GRIP1: variants seen among roughly 807,000 people sequenced by gnomAD.
GRIP1 encodes the protein glutamate receptor interacting protein 1.
GRIP1 carries 45 observed loss-of-function variants against 129.9 expected under a neutral mutation model. The ratio of observed to expected loss-of-function variants is 0.35; its 90% confidence interval spans 0.27 to 0.44. The LOEUF (loss-of-function observed/expected upper bound fraction) is 0.44. Ranked by LOEUF, GRIP1 falls within the 20% of genes least tolerant of loss-of-function variation. The pLI is 1.00. For missense variants in GRIP1, 1,196 were observed against 1,396.8 expected (o/e 0.86, Z 2.29); for synonymous variants, 530 against 520.8 (o/e 1.02, Z -0.24).
chr12:66,393,614 C>T (rs770444752), intron 17 of GRIP1, among the ~76,000 whole-genome samples: 4 of 152,076 alleles, frequency 2.6e-5, no homozygotes, highest in Non-Finnish European at 5.9e-5. Context: ...GGCAGATTTG[C>T]TTATAGGGTT....
intron 1 of GRIP1, among the ~76,000 whole-genome samples, chr12:66,833,908 G>A (rs762081112): frequency 8.5e-5 from 13 of 152,054 alleles, no homozygotes; most frequent in Non-Finnish European, 1.3e-4. Context: ...TGTGGCTCAC[G>A]CCTGTAATCC....
At chr12:66,368,232 A>C (rs143637436) in intron 23 of GRIP1, among the ~76,000 whole-genome samples, 1 of 152,138 alleles carries the variant, frequency 6.6e-6, no homozygotes, top group African/African-American at 2.4e-5. Context: ...CACCTGCAGG[A>C]GCTGGAGTGT....
chr12:66,669,707 A>G (rs974770831), intron 1 of GRIP1, among the ~76,000 whole-genome samples: 2 of 152,166 alleles, frequency 1.3e-5, no homozygotes, highest in African/African-American at 4.8e-5. Flanking sequence ...AGCATCCATC[A>G]ATGTCTCTGG....
Position 66,674,034 on chromosome 12 carries a change from T to G in GRIP1, c.55+4816A>C, listed in dbSNP as rs115835196. 5.8e-3 allele frequency among the ~76,000 whole-genome samples: 885 copies of G among 151,906 alleles called. 9 individuals are homozygous for G. Among genetic ancestry groups the G allele is most frequent in the African/African-American group, 0.021 (857 of 41,440 alleles). On this transcript the variant is annotated intron_variant, in intron 1 of 24. Coordinates refer to ENST00000359742, the MANE Select transcript of GRIP1 (RefSeq NM_001366722.1). ...GTTGCAGGTGAGATTTGGAAAGGGG[T>G]GGAAAGTTAACGAGGTGGAGGATAC... is the stretch of plus-strand genomic sequence containing the variant.
intron 1 of GRIP1, among the ~76,000 whole-genome samples, chr12:66,744,170 T>C (rs961727680): frequency 6.6e-6 from 1 of 152,118 alleles, no homozygotes; most frequent in African/African-American, 2.4e-5. Flanking sequence ...AGTACATACA[T>C]AAATACATGA....
chr12:66,858,077 G>GT (rs35147536), intron 1 of GRIP1, among the ~76,000 whole-genome samples: 55,832 of 151,530 alleles, frequency 0.37, 10,367 homozygotes, highest in East Asian at 0.41. Context: ...TATTCACCAT[G>GT]TTTTTTTGTT....
chr12:66,590,829 G>C (rs2063825175), intron 2 of GRIP1, among the ~76,000 whole-genome samples: 1 of 152,152 alleles, frequency 6.6e-6, no homozygotes, highest in African/African-American at 2.4e-5. Flanking sequence ...ATGTTGGGTG[G>C]AGCTTCAAGG....
intron 1 of GRIP1, among the ~76,000 whole-genome samples, chr12:66,636,787 C>T (rs548962995): frequency 6.6e-6 from 1 of 150,740 alleles, no homozygotes; most frequent in South Asian, 2.1e-4. Context: ...CATGTGAGGA[C>T]ATGAAGAGAA....
intron 19 of GRIP1, among the ~76,000 whole-genome samples, chr12:66,381,676 T>C (rs949372550): frequency 9.9e-5 from 15 of 152,194 alleles, no homozygotes; most frequent in African/African-American, 3.6e-4. Flanking sequence ...GTATAATAAG[T>C]AGTTCTTGGA....
intron 1 of GRIP1, among the ~76,000 whole-genome samples, chr12:66,758,466 A>G (rs1249257247): frequency 1.3e-5 from 2 of 151,998 alleles, no homozygotes; most frequent in Admixed American, 6.6e-5. Flanking sequence ...CAGCCAAATC[A>G]TATCATTCTG....
chr12:66,883,515 C>T (rs1484133413), intron 1 of GRIP1, among the ~76,000 whole-genome samples: 1 of 152,154 alleles, frequency 6.6e-6, no homozygotes, highest in African/African-American at 2.4e-5. Context: ...TGGAAGGCTG[C>T]CCCTTCTGAG....
intron 1 of GRIP1, among the ~76,000 whole-genome samples, chr12:66,966,982 T>C (rs2042006922): frequency 6.6e-6 from 1 of 152,210 alleles, no homozygotes; most frequent in Non-Finnish European, 1.5e-5. Context: ...CTGTAGGAGA[T>C]ACTGCTTCTT....
intron 7 of GRIP1, among the ~76,000 whole-genome samples, chr12:66,473,889 A>T (rs940924831): frequency 1.3e-4 from 20 of 152,172 alleles, no homozygotes; most frequent in African/African-American, 4.6e-4. Flanking sequence ...CCAGTGCAAA[A>T]AGCCTAAAAA....
At chr12:66,940,601 T>C (rs2041568936) in intron 1 of GRIP1, among the ~76,000 whole-genome samples, 2 of 152,324 alleles carry the variant, frequency 1.3e-5, no homozygotes, top group East Asian at 3.9e-4. Context: ...CTTATTAGTT[T>C]CTATTAAAAG....
intron 7 of GRIP1, among the ~76,000 whole-genome samples, chr12:66,491,822 CCCTA>C (rs879606955): frequency 6.6e-5 from 10 of 152,122 alleles, no homozygotes; most frequent in Non-Finnish European, 1.2e-4. Context: ...AAATTATTTG[CCCTA>C]CCTGTTAAAA....
At chr12:67,039,016 TAAACACACAC>T (rs1436090334) in intron 1 of GRIP1, among the ~76,000 whole-genome samples, 56 of 59,938 alleles carry the variant, frequency 9.3e-4, no homozygotes, top group African/African-American at 2.1e-3. Flanking sequence ...TCACAAATAA[TAAACACACAC>T]ACACACACAC....
intron 19 of GRIP1, among the ~76,000 whole-genome samples, chr12:66,389,362 G>C (rs2056489551): frequency 1.3e-5 from 2 of 152,062 alleles, no homozygotes; most frequent in Admixed American, 1.3e-4. Flanking sequence ...CGAGTAGCTG[G>C]GATTACAGGT....
chr12:66,951,066 C>G (rs1266458952), intron 1 of GRIP1, among the ~76,000 whole-genome samples: 2 of 152,056 alleles, frequency 1.3e-5, no homozygotes, highest in South Asian at 4.1e-4. Context: ...AAACAATGAA[C>G]AAAAAGTCAT....
chr12:67,048,866 G>A (rs748342775), intron 1 of GRIP1, among the ~76,000 whole-genome samples: 4 of 152,072 alleles, frequency 2.6e-5, no homozygotes, highest in Non-Finnish European at 5.9e-5. Context: ...CACCATGATC[G>A]TGAGGCCTCC....
Sources: gnomAD v4.1 joint callset for allele counts (sites outside exome capture counted in the v4.1 genomes callset) on GRCh38, gnomAD v4.1.1 for gene constraint, MANE v1.5 for transcripts, NCBI Gene and HGNC (gene_info 2026-07-23, HGNC 2026-07-21) for gene names.